The following MYPN variants were observed in gnomAD, a reference collection of about 807,000 sequenced individuals.
The protein encoded by MYPN is sarcomeric protein myopalladin, 145 kDa (MYOP).
In MYPN, 63 loss-of-function variants were observed where a neutral mutation model predicts 129.4. The observed-to-expected ratio is 0.49, with a 90% CI of 0.40 to 0.60. The LOEUF is 0.60. Ranked by LOEUF, MYPN falls within the 20% of genes least tolerant of loss-of-function variation. MYPN has a pLI of 0.00. For missense variants in MYPN, 1,596 were observed against 1,635.4 expected, an observed-to-expected ratio of 0.98 and a Z score of 0.42; for synonymous variants, 629 against 600.9, an observed-to-expected ratio of 1.05 and a Z score of -0.68.
intron 6 of MYPN, among the ~76,000 whole-genome samples, chr10:68,152,212 C>T (rs1371356117): frequency 6.6e-6 from 1 of 152,132 alleles, no homozygotes; most frequent in Non-Finnish European, 1.5e-5. Context: ...CAGGAGCAGG[C>T]TTCAGAGAAT....
At chr10:68,138,108 TTC>T (rs1276179063) in intron 2 of MYPN, among the ~76,000 whole-genome samples, 5 of 131,814 alleles carry the variant, frequency 3.8e-5, no homozygotes, top group African/African-American at 1.5e-4. Flanking sequence ...TTCTTTTTTC[TTC>T]TTTTTTTTTT....
At chr10:68,134,238 A>G (rs1428062717) in intron 2 of MYPN, among the ~76,000 whole-genome samples, 3 of 152,192 alleles carry the variant, frequency 2.0e-5, no homozygotes, top group Non-Finnish European at 4.4e-5. Flanking sequence ...CTTGGGATTC[A>G]TCAGTAAATA....
intron 19 of MYPN, among the ~76,000 whole-genome samples, chr10:68,207,386 G>T (rs2043834647): frequency 6.6e-6 from 1 of 152,156 alleles, no homozygotes; most frequent in African/African-American, 2.4e-5. Flanking sequence ...CAGGGCGTTT[G>T]TACACTTTTA....
In MYPN at chr10:68,206,780, G is replaced by A; in HGVS notation, c.3670G>A (p.Asp1224Asn). 6.2e-7 allele frequency: 1 copy of A among 1,614,032 alleles called. No homozygotes were observed. The highest frequency in any genetic ancestry group is 8.5e-7 in the Non-Finnish European group (1 of 1,180,014). Residue 1224 changes from aspartate (D) to asparagine (N), a missense_variant, in exon 19 of 20, where the codon GAC becomes AAC. Asp to Asn is a conservative substitution (Grantham distance 23). Transcript: ENST00000358913. ...CTRERISMHQ[D>N]TTGYACLLIQ... ...TCTCTTTTTCTCCAGTATGCACCAG[G>A]ACACAACAGGGTATGCCTGCCTTCT...
intron 2 of MYPN, among the ~76,000 whole-genome samples, chr10:68,125,009 T>A (rs900541920): frequency 2.0e-5 from 3 of 152,156 alleles, no homozygotes; most frequent in South Asian, 2.1e-4. Flanking sequence ...GTTAGTCCTG[T>A]CCAATCCATT....
chr10:68,211,331 C>A lies in MYPN; in HGVS notation c.*876C>A, dbSNP rs1348271896. On this transcript the variant is annotated 3_prime_UTR_variant, in exon 20 of 20. Coordinates refer to ENST00000358913, the MANE Select transcript of MYPN (RefSeq NM_032578.4). Reference sequence around the variant, plus strand: ...CATCATTTGCCCATAAAATACACCTCATGGGCTCCTACCCCTTTCCCCAAA... The same window carrying A: ...CATCATTTGCCCATAAAATACACCTAATGGGCTCCTACCCCTTTCCCCAAA... The A allele has an allele frequency of 2.2e-6, 1 of 453,996 alleles. No individual in the cohort carries two copies. Among genetic ancestry groups the A allele is most frequent in the Non-Finnish European group, 4.4e-6 (1 of 226,798 alleles). The allele number at this position is 453,996 out of a possible 1,614,324, so 28.1% of individuals were successfully genotyped here.
intron 2 of MYPN, among the ~76,000 whole-genome samples, chr10:68,131,955 A>G (rs937148212): frequency 5.3e-5 from 8 of 152,144 alleles, no homozygotes; most frequent in Admixed American, 1.3e-4. Flanking sequence ...ATGGAAATCT[A>G]TCTATAGATT....
Position 68,136,640 on chromosome 10 carries a change from ACACTTCT to A in MYPN, c.903-6299_903-6293del. 14 of 1,534,124 alleles carry A rather than the reference ACACTTCT, an allele frequency of 9.1e-6. No individual in the cohort carries two copies. The South Asian group carries it at 1.4e-4, about 16-fold the overall frequency. On this transcript the variant is annotated intron_variant, in intron 2 of 19. Coordinates refer to ENST00000358913, the MANE Select transcript of MYPN (RefSeq NM_032578.4). ...CCTGGCCATCTGAGTAAGGACAAAA[ACACTTCT>A]GACAGAGAGTTTGGGCATTTGAATC...
In MYPN at chr10:68,143,012, A is replaced by G. The variant is rs1158590887; in HGVS notation, c.975A>G (p.Ser325=). ...TCGTCCAGGCAGGAAATCTGCACTC[A>G]CTGACCATTGCGGAAGCCTTTGAAG... ...IHIVQAGNLH[S]LTIAEAFEED... Residue 325 remains serine, a synonymous_variant, in exon 3 of 20, where the codon TCA becomes TCG. Transcript: ENST00000358913. 3 of 1,614,002 alleles carry G rather than the reference A, an allele frequency of 1.9e-6. No homozygotes were observed. Among genetic ancestry groups the G allele is most frequent in the Non-Finnish European group, 2.5e-6 (3 of 1,180,004 alleles).
intron 5 of MYPN, 61 bp from the exon 6 acceptor site, chr10:68,149,979 T>A (rs2042739859): frequency 6.9e-7 from 1 of 1,445,834 alleles, no homozygotes; most frequent in Admixed American, 1.7e-5. Flanking sequence ...GTTTGTTATG[T>A]CTCACTATCC....
chr10:68,206,654 A>T, intron 18 of MYPN, 116 bp from the exon 19 acceptor site: 3 of 1,407,698 alleles, frequency 2.1e-6, no homozygotes, highest in Non-Finnish European at 3.0e-6. Context: ...TCCACCTTCA[A>T]ATTTGTCTTG....
At position 68,121,830 on chromosome 10, in the gene MYPN, G is replaced by C. The variant is rs199853307; in HGVS notation, c.392G>C (p.Ser131Thr). 6.2e-7 allele frequency: 1 copy of C among 1,614,014 alleles called. No homozygotes were observed. The highest frequency in any genetic ancestry group is 1.3e-5 in the African/African-American group (1 of 74,900). Residue 131 changes from serine to threonine, a missense_variant, in exon 2 of 20, where the codon AGC becomes ACC. Physicochemically the swap from Ser to Thr is moderately conservative, Grantham distance 58. Transcript: ENST00000358913. Reference sequence around the variant, plus strand: ...CGAAGTCCCACCAGCTCTAAAGAAAGCCCCCAGGAGGCAAAAAGGCCACAG... The same window carrying C: ...CGAAGTCCCACCAGCTCTAAAGAAACCCCCCAGGAGGCAAAAAGGCCACAG... ...NPRSPTSSKE[S>T]PQEAKRPQYC...
chr10:68,158,446 G>A, intron 6 of MYPN, 40 bp from the exon 7 acceptor site: 3 of 1,586,606 alleles, frequency 1.9e-6, no homozygotes, highest in Non-Finnish European at 2.6e-6. Context: ...ACAAAAATGT[G>A]TACTTTTTTG....
chr10:68,113,818 A>G (rs1291813023), intron 1 of MYPN, among the ~76,000 whole-genome samples: 1 of 152,222 alleles, frequency 6.6e-6, no homozygotes, highest in Non-Finnish European at 1.5e-5. Flanking sequence ...GTTTTGCTGT[A>G]TGTATACATT....
intron 2 of MYPN, among the ~76,000 whole-genome samples, chr10:68,133,296 G>T (rs2042438378): frequency 6.6e-6 from 1 of 151,846 alleles, no homozygotes; most frequent in Non-Finnish European, 1.5e-5. Flanking sequence ...AAGTGCTGGG[G>T]TTACAGGTGT....
At chr10:68,206,189 C>A (rs948067796) in intron 18 of MYPN, among the ~76,000 whole-genome samples, 3 of 152,136 alleles carry the variant, frequency 2.0e-5, no homozygotes, top group Admixed American at 2.0e-4. Context: ...AATCCTAATG[C>A]TTGGATCCCA....
chr10:68,200,485 C>T (rs183474675), intron 17 of MYPN, among the ~76,000 whole-genome samples: 274 of 152,156 alleles, frequency 1.8e-3, no homozygotes, highest in Non-Finnish European at 2.8e-3. Context: ...GTGTGGGGCA[C>T]GGTGGCTCAC....
chr10:68,182,462 T>TATAA (rs2043349028), intron 12 of MYPN, among the ~76,000 whole-genome samples: 1 of 91,960 alleles, frequency 1.1e-5, no homozygotes, highest in African/African-American at 4.6e-5. Flanking sequence ...CATATATATA[T>TATAA]AACATATATA....
chr10:68,137,413 A>G (rs900574069), intron 2 of MYPN, among the ~76,000 whole-genome samples: 1 of 152,220 alleles, frequency 6.6e-6, no homozygotes, highest in Non-Finnish European at 1.5e-5. Flanking sequence ...CCATATTAAA[A>G]TTAACTAGCA....
Sources: gnomAD v4.1 joint callset for allele counts (sites outside exome capture counted in the v4.1 genomes callset) on GRCh38, gnomAD v4.1.1 for gene constraint, MANE v1.5 for transcripts, NCBI Gene and HGNC (gene_info 2026-07-23, HGNC 2026-07-21) for gene names.